Variants in GET1 observed in about 807,000 individuals in gnomAD.
The protein encoded by GET1 is guided entry of tail-anchored proteins factor 1.
GET1 carries 20 observed loss-of-function variants against 22.6 expected under a neutral mutation model. The ratio of observed to expected loss-of-function variants is 0.89; its 90% CI spans 0.62 to 1.29. The LOEUF (loss-of-function observed/expected upper bound fraction) is 1.29, where lower values mean the gene tolerates loss of function less well. Ranked by LOEUF, GET1 falls within the 50% of genes most tolerant of loss-of-function variation. The pLI is 0.00. For missense variants in GET1, 209 were observed against 219.9 expected (o/e 0.95, Z 0.31); for synonymous variants, 92 against 83.8 (o/e 1.10, Z -0.53).
intron 1 of GET1, among the ~76,000 whole-genome samples, chr21:39,387,302 T>C (rs1442348063): frequency 6.6e-6 from 1 of 152,246 alleles, no homozygotes; most frequent in Non-Finnish European, 1.5e-5. Context: ...TTGTTTTGTG[T>C]ATTCCCTATA....
chr21:39,414,457 A>G (rs996131210), intron 1 of GET1, among the ~76,000 whole-genome samples: 4 of 152,094 alleles, frequency 2.6e-5, no homozygotes, highest in African/African-American at 9.7e-5. Context: ...CGAACTTTTG[A>G]CCTTTGGGAC....
At chr21:39,402,207 G>A (rs576530105), downstream of GET1, among the ~76,000 whole-genome samples, 3 of 152,186 alleles carry the variant, frequency 2.0e-5, no homozygotes, top group South Asian at 4.2e-4. Flanking sequence ...GGGTTCAAGC[G>A]ATTCTCCTGC....
chr21:39,422,143 A>G (rs1014837723), intron 1 of GET1: 3 of 152,258 alleles, frequency 2.0e-5, no homozygotes, highest in Non-Finnish European at 4.4e-5. Flanking sequence ...CAGAAGAAAT[A>G]ACTGAGATTA....
At chr21:39,398,959 C>T (rs4818036), downstream of GET1, among the ~76,000 whole-genome samples, 94,493 of 148,922 alleles carry the variant, frequency 0.63, 30,381 homozygotes, top group East Asian at 0.77. Context: ...AGGTTGGTCT[C>T]GAACTCCTGA....
At position 39,414,742 on chromosome 21, in the gene GET1, CTGTG is replaced by C. The variant is rs66478742; in HGVS notation, c.*23+3839_*23+3842del. Among the ~76,000 whole-genome samples, 289 of 99,210 alleles carry C rather than the reference CTGTG, an allele frequency of 2.9e-3. 3 individuals carry two copies. Among genetic ancestry groups the C allele is most frequent in the Middle Eastern group, 0.018 (3 of 164 alleles). 65.1% of individuals were successfully genotyped at this position (99,210 alleles called of 152,430 possible). A position where few individuals can be genotyped will look rare whatever the true frequency, so the allele number is the denominator to read the frequency against. ...TCTCTCTCTCTCTCTCTCTCTCTCT[CTGTG>C]TGTGTGTGTGTGTGTGTGTGTGTGT... On this transcript the variant is annotated intron_variant, in intron 1 of 1. Coordinates refer to the GET1 transcript ENST00000478273.
exon 5 of GET1, chr21:39,406,371 T>C (rs2039070800): frequency 5.0e-6 from 8 of 1,613,782 alleles, no homozygotes; most frequent in Non-Finnish European, 6.8e-6. Context: ...GAGCAGTGCC[T>C]TTGCCAAGTG....
chr21:39,389,078 T>TCCTC (rs1175260957), intron 1 of GET1, among the ~76,000 whole-genome samples: 3 of 151,998 alleles, frequency 2.0e-5, no homozygotes, highest in Non-Finnish European at 2.9e-5. Context: ...CTTCCTTCCT[T>TCCTC]CCTCCCTCCC....
chr21:39,412,727 A>AAGTCTCAG (rs1400632772), intron 1 of GET1, among the ~76,000 whole-genome samples: 3 of 152,184 alleles, frequency 2.0e-5, no homozygotes, highest in Non-Finnish European at 4.4e-5. Context: ...AGGTTTGGGA[A>AAGTCTCAG]AGTCTCAGTG....
intron 1 of GET1, among the ~76,000 whole-genome samples, chr21:39,427,126 G>T (rs546070636): frequency 6.6e-6 from 1 of 152,304 alleles, no homozygotes; most frequent in Admixed American, 6.5e-5. Flanking sequence ...ACATGGCGGT[G>T]GCAGATGCAC....
At chr21:39,423,339 T>C (rs774279740) in intron 1 of GET1, 1 of 1,613,186 alleles carries the variant, frequency 6.2e-7, no homozygotes, top group Non-Finnish European at 8.5e-7. Flanking sequence ...GCATATCAGC[T>C]AATTCATTTT....
chr21:39,417,682 G>A (rs1256957950), intron 1 of GET1, among the ~76,000 whole-genome samples: 5 of 152,166 alleles, frequency 3.3e-5, no homozygotes, highest in Admixed American at 6.5e-5. Context: ...AGACAAAGGA[G>A]GAGCAAAAGG....
intron 3 of GET1, 52 bp from the exon 4 acceptor site, chr21:39,393,113 TG>T: frequency 6.9e-7 from 1 of 1,457,166 alleles, no homozygotes; most frequent in Non-Finnish European, 9.6e-7. Context: ...CCCTTCTGTG[TG>T]GTCGGTTGTG....
rs147238634 is a variant in GET1 at position 39,404,918 on chromosome 21, C to T, written c.350-996C>T. Among the ~76,000 whole-genome samples the T allele has an allele frequency of 1.5e-3, 225 of 150,956 alleles. 1 individual carries two copies. The highest frequency in any genetic ancestry group is 5.1e-3 in the African/African-American group (210 of 41,118). ...TTATTTTGGTTCACTGCAGCCTCTG[C>T]CTCCTGGGGTTCCAGCGATTCTCCT... On this transcript the variant is annotated intron_variant, in intron 4 of 4. Transcript: ENST00000415847.
intron 1 of GET1, among the ~76,000 whole-genome samples, chr21:39,416,320 G>A (rs1041228548): frequency 9.9e-5 from 15 of 152,158 alleles, no homozygotes; most frequent in Admixed American, 9.2e-4. Flanking sequence ...GTTTTAACCT[G>A]GGCAGTTATC....
intron 1 of GET1, among the ~76,000 whole-genome samples, chr21:39,382,542 T>C (rs952817314): frequency 5.3e-5 from 8 of 152,230 alleles, no homozygotes; most frequent in African/African-American, 1.9e-4. Flanking sequence ...TTCTTTTCAC[T>C]CAGCATAATA....
At chr21:39,398,662 G>A (rs1382408112), downstream of GET1, among the ~76,000 whole-genome samples, 5 of 145,732 alleles carry the variant, frequency 3.4e-5, no homozygotes, top group South Asian at 2.2e-4. Flanking sequence ...CACCCAGGCT[G>A]GAGTGCAGTG....
At chr21:39,403,475 G>A (rs1370436604) in intron 4 of GET1, among the ~76,000 whole-genome samples, 1 of 151,754 alleles carries the variant, frequency 6.6e-6, no homozygotes, top group African/African-American at 2.4e-5. Flanking sequence ...TAAAGGCGCC[G>A]CCACCACGCC....
At chr21:39,381,397 G>A (rs2037547961) in intron 1 of GET1, among the ~76,000 whole-genome samples, 5 of 152,192 alleles carry the variant, frequency 3.3e-5, no homozygotes. Flanking sequence ...TCTCTCCTAA[G>A]ATAAATTGGT....
At chr21:39,418,002 G>C (rs113525971) in intron 1 of GET1, among the ~76,000 whole-genome samples, 2 of 152,078 alleles carry the variant, frequency 1.3e-5, no homozygotes, top group African/African-American at 2.4e-5. Context: ...TCCTGACCTC[G>C]TGATCCACCC....
Sources: allele counts gnomAD v4.1 joint callset (sites outside exome capture counted in the v4.1 genomes callset), GRCh38; gene constraint gnomAD v4.1.1; transcripts MANE v1.5; gene names NCBI Gene and HGNC (gene_info 2026-07-23, HGNC 2026-07-21).